The following MAPK10 variants were observed in gnomAD, a reference collection of about 807,000 sequenced individuals.
MAPK10 encodes JNK3 alpha protein kinase.
A neutral mutation model predicts 59.3 loss-of-function variants in MAPK10; 25 were observed. The observed-to-expected ratio is 0.42, with a 90% CI of 0.31 to 0.59. MAPK10 has a LOEUF of 0.59. Ranked by LOEUF, MAPK10 falls within the 20% of genes least tolerant of loss-of-function variation. The pLI is 0.15. For missense variants in MAPK10, 351 were observed against 568.9 expected (o/e 0.62, Z 3.90); for synonymous variants, 190 against 200.5 (o/e 0.95, Z 0.44).
chr4:86,475,564 G>T (rs1204926085), intron 1 of MAPK10, among the ~76,000 whole-genome samples: 1 of 152,132 alleles, frequency 6.6e-6, no homozygotes, highest in Non-Finnish European at 1.5e-5. Context: ...ACGGACTCGG[G>T]AAGACAGTCT....
chr4:86,587,955 C>T (rs553190610), intron 1 of MAPK10, among the ~76,000 whole-genome samples: 182 of 152,208 alleles, frequency 1.2e-3, no homozygotes, highest in African/African-American at 3.9e-3. Flanking sequence ...AGTTTGAGGC[C>T]GCTGTGTAGT....
intron 1 of MAPK10, among the ~76,000 whole-genome samples, chr4:86,405,348 T>G (rs887252910): frequency 6.6e-6 from 1 of 152,336 alleles, no homozygotes; most frequent in Non-Finnish European, 1.5e-5. Flanking sequence ...GTGTAACAAT[T>G]GGCTATACAC....
chr4:86,211,634 C>T (rs750591690), intron 2 of MAPK10, among the ~76,000 whole-genome samples: 1 of 152,004 alleles, frequency 6.6e-6, no homozygotes, highest in Non-Finnish European at 1.5e-5. Flanking sequence ...GAAGTAAAAA[C>T]TCAGTAAAGG....
intron 2 of MAPK10, among the ~76,000 whole-genome samples, chr4:86,301,149 T>C (rs2095465829): frequency 6.6e-6 from 1 of 152,008 alleles, no homozygotes; most frequent in Admixed American, 6.6e-5. Flanking sequence ...CAACCAAAAA[T>C]GACTCCAGAT....
intron 2 of MAPK10, among the ~76,000 whole-genome samples, chr4:86,242,221 C>T (rs1200663701): frequency 1.3e-5 from 2 of 152,080 alleles, no homozygotes; most frequent in Admixed American, 6.5e-5. Flanking sequence ...AAGATGGGTG[C>T]CTACTCCTTC....
intron 2 of MAPK10, among the ~76,000 whole-genome samples, chr4:86,293,972 C>T (rs1355843503): frequency 2.0e-5 from 3 of 152,184 alleles, no homozygotes; most frequent in African/African-American, 7.2e-5. Flanking sequence ...TGCCTGAGGA[C>T]TTTTCTCTGA....
intron 4 of MAPK10, chr4:86,125,664 A>C (rs1459118318): frequency 2.0e-5 from 3 of 152,050 alleles, no homozygotes; most frequent in African/African-American, 7.2e-5. Context: ...ATAAAATTTA[A>C]AGTATTATTT....
chr4:86,421,087 G>GA (rs919663885), intron 1 of MAPK10, among the ~76,000 whole-genome samples: 42 of 144,344 alleles, frequency 2.9e-4, no homozygotes, highest in Middle Eastern at 3.5e-3. Context: ...ACCTCAGAAA[G>GA]AAAAAAAAAA....
chr4:86,034,582 A>G (rs990733084), intron 11 of MAPK10, among the ~76,000 whole-genome samples: 2 of 152,198 alleles, frequency 1.3e-5, no homozygotes, highest in African/African-American at 2.4e-5. Context: ...GGCAGACTAT[A>G]TAAAAAACTG....
At chr4:86,504,702 A>T (rs78921002) in intron 1 of MAPK10, among the ~76,000 whole-genome samples, 7,361 of 152,072 alleles carry the variant, frequency 0.048, 236 homozygotes, top group African/African-American at 0.061. Flanking sequence ...CCTGCCCTCC[A>T]CTTTCCACCC....
intron 2 of MAPK10, among the ~76,000 whole-genome samples, chr4:86,260,362 T>A (rs1231008804): frequency 6.6e-6 from 1 of 152,126 alleles, no homozygotes; most frequent in East Asian, 1.9e-4. Flanking sequence ...CATGTGGAAT[T>A]ATTAGTCTAA....
In MAPK10 at chr4:86,031,839, T is replaced by A. The variant is rs115848093; in HGVS notation, c.1111-408A>T. ...CCATGCTAAAATTCTTCTAGGCTAA[T>A]AAGATTTTGTTCTATTTTTAGACCT... On this transcript the variant is annotated intron_variant, in intron 11 of 13. Transcript: ENST00000641462. 1,385 of 160,250 alleles carry A rather than the reference T, an allele frequency of 8.6e-3. 21 individuals carry two copies. The highest frequency in any genetic ancestry group is 0.032 in the African/African-American group (1,321 of 41,690). 9.9% of individuals were successfully genotyped at this position (160,250 alleles called of 1,614,324 possible).
At chr4:86,575,437 A>G (rs1761811968) in intron 1 of MAPK10, among the ~76,000 whole-genome samples, 1 of 152,192 alleles carries the variant, frequency 6.6e-6, no homozygotes, top group Non-Finnish European at 1.5e-5. Context: ...AGTAGTTAGA[A>G]CAAATGTATT....
chr4:86,113,825 TCTC>T (rs1350602642), intron 4 of MAPK10, among the ~76,000 whole-genome samples: 1 of 152,212 alleles, frequency 6.6e-6, no homozygotes, highest in Non-Finnish European at 1.5e-5. Context: ...TTGCTTCCAT[TCTC>T]CTCATCTCTT....
chr4:86,064,629 A>G (rs1286166855), intron 10 of MAPK10: 5 of 470,674 alleles, frequency 1.1e-5, no homozygotes, highest in Admixed American at 3.7e-5. Flanking sequence ...ATAATTATTC[A>G]CGCAAACTTC....
intron 2 of MAPK10, among the ~76,000 whole-genome samples, chr4:86,195,453 T>C (rs2149318570): frequency 6.6e-6 from 1 of 152,266 alleles, no homozygotes; most frequent in African/African-American, 2.4e-5. Flanking sequence ...GCATGAAAAG[T>C]TCTGAGAAGT....
chr4:86,438,825 G>A (rs2149046168), intron 1 of MAPK10, among the ~76,000 whole-genome samples: 1 of 152,156 alleles, frequency 6.6e-6, no homozygotes, highest in East Asian at 1.9e-4. Context: ...AAGGAGGGAG[G>A]GGTGGAAGCA....
At chr4:86,212,613 A>C (rs898897791) in intron 2 of MAPK10, among the ~76,000 whole-genome samples, 3 of 152,188 alleles carry the variant, frequency 2.0e-5, no homozygotes, top group African/African-American at 7.2e-5. Flanking sequence ...ACTTTAAATC[A>C]AAAAAAGTTT....
intron 1 of MAPK10, among the ~76,000 whole-genome samples, chr4:86,365,565 T>C (rs1371864145): frequency 4.6e-5 from 7 of 151,326 alleles, no homozygotes; most frequent in South Asian, 2.1e-4. Context: ...TTATACATGG[T>C]AGGTGATCAG....
Sources: allele counts gnomAD v4.1 joint callset (sites outside exome capture counted in the v4.1 genomes callset), GRCh38; gene constraint gnomAD v4.1.1; transcripts MANE v1.5; gene names NCBI Gene and HGNC (gene_info 2026-07-23, HGNC 2026-07-21).